The following PTPRN2 variants were observed in gnomAD, a reference collection of about 807,000 sequenced individuals.
PTPRN2 encodes the protein receptor-type tyrosine-protein phosphatase N2.
A neutral mutation model predicts 118.8 loss-of-function variants in PTPRN2; 74 were observed. That is an observed-to-expected ratio of 0.62 (90% CI 0.52 to 0.76). PTPRN2 has a LOEUF of 0.76. Among genes scored for constraint, PTPRN2 ranks in the 30% least tolerant of loss-of-function variants. PTPRN2 has a pLI of 0.00. For synonymous variants in PTPRN2, 641 were observed against 608.0 expected (o/e 1.05, Z -0.80); for missense variants, 1,481 against 1,394.4 (o/e 1.06, Z -0.99).
chr7:158,551,389 C>A (rs1326778937), intron 1 of PTPRN2, among the ~76,000 whole-genome samples: 1 of 152,198 alleles, frequency 6.6e-6, no homozygotes, highest in African/African-American at 2.4e-5. Context: ...TTTGGGGGCC[C>A]CAGCTCCTAA....
Position 157,826,198 on chromosome 7 carries a change from A to G in PTPRN2, c.1788+72475T>C, listed in dbSNP as rs62476425. 7.3e-3 allele frequency among the ~76,000 whole-genome samples: 783 copies of G among 107,110 alleles called. 1 individual carries two copies. The highest frequency in any genetic ancestry group is 0.049 in the Middle Eastern group (7 of 142). 70.3% of individuals were successfully genotyped at this position (107,110 alleles called of 152,430 possible). A position where few individuals can be genotyped will look rare whatever the true frequency, so the allele number is the denominator to read the frequency against. On this transcript the variant is annotated intron_variant, in intron 12 of 22. Coordinates refer to ENST00000389418, the MANE Select transcript of PTPRN2 (RefSeq NM_002847.5). ...ATTTCCACGCGTGCTGTGCAAAGAC[A>G]GCAGCACGAACACGATCGTCACAAT...
chr7:157,890,216 C>T (rs192332253), intron 12 of PTPRN2, among the ~76,000 whole-genome samples: 1 of 152,236 alleles, frequency 6.6e-6, no homozygotes, highest in East Asian at 1.9e-4. Context: ...CACTGCTGTC[C>T]TGCCTTCTAA....
intron 14 of PTPRN2, among the ~76,000 whole-genome samples, chr7:157,628,306 C>T (rs1803717968): frequency 6.6e-6 from 1 of 152,188 alleles, no homozygotes; most frequent in African/African-American, 2.4e-5. Flanking sequence ...TGGTCAACAC[C>T]TTGAGGTCAA....
rs1403359184 is a variant in PTPRN2 at position 157,581,010 on chromosome 7, CCCTGCACACCCCAGCA to C, written c.2497-2886_2497-2871del. ...CACCCCAGCACCTGCACACCCGAGC[CCCTGCACACCCCAGCA>C]CCTGCACACCCCAGCACCTGCACAC... On this transcript the variant is annotated intron_variant, in intron 17 of 22. Transcript: ENST00000389418. 3.8e-4 allele frequency among the ~76,000 whole-genome samples: 50 copies of C among 131,568 alleles called. 1 individual carries two copies. The highest frequency in any genetic ancestry group is 9.5e-4 in the East Asian group (4 of 4,220). 86.3% of individuals were successfully genotyped at this position (131,568 alleles called of 152,430 possible).
intron 9 of PTPRN2, among the ~76,000 whole-genome samples, chr7:158,113,486 A>G (rs1816458764): frequency 6.6e-6 from 1 of 152,176 alleles, no homozygotes; most frequent in Non-Finnish European, 1.5e-5. Context: ...AGGCAGGAGT[A>G]GGACAATGGT....
intron 12 of PTPRN2, among the ~76,000 whole-genome samples, chr7:157,696,237 T>G (rs552388998): frequency 1.3e-4 from 19 of 141,468 alleles, no homozygotes; most frequent in Admixed American, 1.1e-3. Flanking sequence ...CATCTACCCA[T>G]GCATACTGGA....
intron 6 of PTPRN2, among the ~76,000 whole-genome samples, chr7:158,163,068 T>G (rs997588899): frequency 6.6e-6 from 1 of 152,162 alleles, no homozygotes; most frequent in Admixed American, 6.5e-5. Flanking sequence ...CAGAAATCAT[T>G]CGATGTCTGG....
intron 6 of PTPRN2, among the ~76,000 whole-genome samples, chr7:158,161,087 G>C (rs533551965): frequency 7.0e-4 from 107 of 152,272 alleles, no homozygotes; most frequent in African/African-American, 2.5e-3. Context: ...ATTCAGGATT[G>C]TGTCTTTCAG....
chr7:158,155,808 C>CACCATCATCATCAA (rs1821768825), intron 6 of PTPRN2, among the ~76,000 whole-genome samples: 1 of 44,376 alleles, frequency 2.3e-5, no homozygotes, highest in Admixed American at 3.1e-4. Flanking sequence ...ATCATCATCA[C>CACCATCATCATCAA]CACCATCATC....
intron 3 of PTPRN2, among the ~76,000 whole-genome samples, chr7:158,262,314 GCA>G (rs199869963): frequency 4.5e-4 from 66 of 147,104 alleles, no homozygotes; most frequent in Admixed American, 1.6e-3. Flanking sequence ...TTCACACACT[GCA>G]CACACATTCA....
At chr7:157,896,305 T>C (rs966668847) in intron 12 of PTPRN2, among the ~76,000 whole-genome samples, 3 of 152,000 alleles carry the variant, frequency 2.0e-5, no homozygotes, top group Non-Finnish European at 2.9e-5. Flanking sequence ...TGCCTGGACA[T>C]TACAAGTGCC....
In PTPRN2 at chr7:158,525,344, G is replaced by A. The variant is rs140522408; in HGVS notation, c.113-35559C>T. On this transcript the variant is annotated intron_variant, in intron 1 of 22. Transcript: ENST00000389418. The surrounding 1 kb of genome is among the most constrained non-coding windows in gnomAD (Gnocchi z 4.1). ...CCGTGAGACCCGAGCAGAAGCTGCA[G>A]CAGAAGGTAGCACGGGCAGGATGCT... 1.4e-3 allele frequency among the ~76,000 whole-genome samples: 208 copies of A among 152,366 alleles called. No individual in the cohort carries two copies. Among genetic ancestry groups the A allele is most frequent in the Non-Finnish European group, 2.4e-3 (166 of 68,040 alleles).
intron 10 of PTPRN2, among the ~76,000 whole-genome samples, chr7:158,105,498 C>T (rs1055077471): frequency 1.3e-5 from 2 of 151,976 alleles, no homozygotes; most frequent in African/African-American, 4.8e-5. Flanking sequence ...CATCTCCACT[C>T]AGCTACAGCA....
chr7:158,046,522 T>A (rs1029067188), intron 11 of PTPRN2, among the ~76,000 whole-genome samples: 1 of 152,240 alleles, frequency 6.6e-6, no homozygotes, highest in African/African-American at 2.4e-5. Context: ...CTTCAGGGAC[T>A]GAGGCAATCC....
At chr7:157,867,393 T>C (rs1446061200) in intron 12 of PTPRN2, among the ~76,000 whole-genome samples, 2 of 123,910 alleles carry the variant, frequency 1.6e-5, no homozygotes, top group Admixed American at 7.9e-5. Context: ...GCCACCACCC[T>C]GTCCCTGACG....
intron 11 of PTPRN2, among the ~76,000 whole-genome samples, chr7:158,007,065 TCTC>T (rs1468464994): frequency 1.3e-5 from 2 of 152,158 alleles, no homozygotes; most frequent in African/African-American, 4.8e-5. Context: ...CGGGCGGCCG[TCTC>T]CTCCTGTGTC....
intron 14 of PTPRN2, among the ~76,000 whole-genome samples, chr7:157,651,772 G>A (rs1047619247): frequency 2.6e-5 from 4 of 152,236 alleles, no homozygotes; most frequent in East Asian, 1.9e-4. Flanking sequence ...ACCGTCCTGC[G>A]AAGTCGCCTT....
intron 5 of PTPRN2, among the ~76,000 whole-genome samples, chr7:158,170,101 TAAGA>T (rs985022437): frequency 1.3e-5 from 2 of 152,240 alleles, no homozygotes; most frequent in South Asian, 2.1e-4. Flanking sequence ...ATTCTTCCCT[TAAGA>T]AAGAGAATAT....
intron 10 of PTPRN2, among the ~76,000 whole-genome samples, chr7:158,108,775 T>C (rs947235395): frequency 2.6e-5 from 4 of 152,232 alleles, no homozygotes; most frequent in Admixed American, 2.6e-4. Context: ...CTTCTGTCTT[T>C]TCCTAATAAA....
Sources: gnomAD v4.1 joint callset for allele counts (sites outside exome capture counted in the v4.1 genomes callset) on GRCh38, gnomAD v4.1.1 for gene constraint, Gnocchi (gnomAD v3.1) non-coding constraint, MANE v1.5 for transcripts, NCBI Gene and HGNC (gene_info 2026-07-23, HGNC 2026-07-21) for gene names.